CCDC112: variants seen among roughly 807,000 people sequenced by gnomAD.
The protein encoded by CCDC112 is coiled-coil domain containing 112.
Under a neutral mutation model 66.3 loss-of-function variants are expected in CCDC112, and 40 were observed. The observed-to-expected ratio is 0.60, with a 90% CI of 0.47 to 0.79. CCDC112 has a LOEUF of 0.79. Ranked by LOEUF, CCDC112 falls within the 30% of genes least tolerant of loss-of-function variation. The pLI is 0.00. For missense variants in CCDC112, 659 were observed against 603.8 expected (o/e 1.09, Z -0.96); for synonymous variants, 214 against 197.2 (o/e 1.09, Z -0.71).
At position 115,296,571 on chromosome 5, in the gene CCDC112, G is replaced by A; in HGVS notation, c.-28C>T. The A allele has an allele frequency of 6.9e-7, 1 of 1,443,180 alleles. No homozygotes were observed. The highest frequency in any genetic ancestry group is 1.5e-5 in the South Asian group (1 of 68,388). The allele number at this position is 1,443,180 out of a possible 1,614,324, so 89.4% of individuals were successfully genotyped here. A position where few individuals can be genotyped will look rare whatever the true frequency, so the allele number is the denominator to read the frequency against. On this transcript the variant is annotated 5_prime_UTR_variant, in exon 1 of 10. Coordinates refer to ENST00000379611, the MANE Select transcript of CCDC112 (RefSeq NM_001040440.3). The stretch of plus-strand genomic sequence containing the variant: ...TTACCCGCCGAGCTACTCGGGCCGC[G>A]GCGGCCACCGGTGCCTGGGGATTCG...
intron 3 of CCDC112, among the ~76,000 whole-genome samples, chr5:115,279,137 G>A (rs555219754): frequency 3.9e-5 from 6 of 152,130 alleles, no homozygotes; most frequent in African/African-American, 1.4e-4. Context: ...TGCATAGTAC[G>A]GCTCTCCTGA....
chr5:115,293,029 A>C (rs1212673134), intron 1 of CCDC112, among the ~76,000 whole-genome samples: 6 of 152,206 alleles, frequency 3.9e-5, no homozygotes, highest in Admixed American at 6.5e-5. Flanking sequence ...TTATTGACTT[A>C]TAGTTCTGGA....
intron 5 of CCDC112, 143 bp from the exon 6 acceptor site, chr5:115,275,749 T>C: frequency 1.4e-6 from 1 of 704,478 alleles, no homozygotes; most frequent in Non-Finnish European, 2.2e-6. Flanking sequence ...CTTAAAAGAG[T>C]CTCCTCAGAG....
Position 115,271,440 on chromosome 5 carries a change from T to C in CCDC112, c.1105A>G (p.Met369Val). The C allele has an allele frequency of 1.2e-6, 2 of 1,611,368 alleles. No homozygotes were observed. Among genetic ancestry groups the C allele is most frequent in the South Asian group, 1.1e-5 (1 of 90,024 alleles). ...AACTGGGAAGCACATTTCATTGACATTTCTATACTTTTCTGTTTCTTCCAA... is the reference window on the plus strand; with the variant it reads ...AACTGGGAAGCACATTTCATTGACACTTCTATACTTTTCTGTTTCTTCCAA... ...EAWKKQKSIE[M>V]SMKCASQLKE... Residue 369 changes from methionine (M) to valine (V), a missense_variant, in exon 7 of 10, where the codon ATG becomes GTG. Transcript: ENST00000379611.
At chr5:115,275,653 A>C in intron 5 of CCDC112, 47 bp from the exon 6 acceptor site, 1 of 1,362,354 alleles carries the variant, frequency 7.3e-7, no homozygotes, top group Non-Finnish European at 1.0e-6. Context: ...ATCCATATTA[A>C]CCCTTAATTT....
At chr5:115,285,064 G>C (rs1164896887) in intron 1 of CCDC112, among the ~76,000 whole-genome samples, 156 bp from the exon 2 acceptor site, 1 of 152,168 alleles carries the variant, frequency 6.6e-6, no homozygotes, top group African/African-American at 2.4e-5. Context: ...TGTGGAAGAA[G>C]GAGTATCTAT....
At chr5:115,296,006 G>A (rs995949677) in intron 1 of CCDC112, 1 of 989,494 alleles carries the variant, frequency 1.0e-6, no homozygotes, top group African/African-American at 1.7e-5. Context: ...TGTTCCCAGC[G>A]CCGGTACAGT....
intron 3 of CCDC112, among the ~76,000 whole-genome samples, chr5:115,277,394 T>C (rs1463566366): frequency 6.6e-6 from 1 of 152,208 alleles, no homozygotes; most frequent in Non-Finnish European, 1.5e-5. Context: ...TTTAATAGTG[T>C]TTCATTTCTT....
chr5:115,283,278 C>G (rs936520179), intron 2 of CCDC112, among the ~76,000 whole-genome samples: 2 of 152,026 alleles, frequency 1.3e-5, no homozygotes, highest in Non-Finnish European at 2.9e-5. Context: ...CCCATTATCC[C>G]CACTCCCACC....
At position 115,271,633 on chromosome 5, in the gene CCDC112, G is replaced by T. The variant is rs376028786; in HGVS notation, c.919-7C>A. On this transcript the variant is annotated splice_region_variant and splice_polypyrimidine_tract_variant and intron_variant, in intron 6 of 9. Transcript: ENST00000379611. ...TTTTCCAAATCTGAATTGACTAAAT[G>T]ATTTTTTTAAAAAAAGAAAGCAAGA... is the stretch of plus-strand genomic sequence containing the variant. 2.0e-6 allele frequency: 3 copies of T among 1,472,666 alleles called. No homozygotes were observed. The highest frequency in any genetic ancestry group is 2.5e-5 in the East Asian group (1 of 40,254). 91.2% of individuals were successfully genotyped at this position (1,472,666 alleles called of 1,614,324 possible). A position where few individuals can be genotyped will look rare whatever the true frequency, so the allele number is the denominator to read the frequency against.
At position 115,282,582 on chromosome 5, in the gene CCDC112, T is replaced by TAA. The variant is rs748526918; in HGVS notation, c.239+2203_239+2204dup. Among the ~76,000 whole-genome samples, 43 of 151,382 alleles carry TAA rather than the reference T, an allele frequency of 2.8e-4. No individual in the cohort carries two copies. In the South Asian group the frequency reaches 7.5e-3, roughly 26 times the overall value. Reference sequence around the variant, plus strand: ...TCCTTGTTATCTAAGACATACACTTTAAAAAAAAATGCAGAGCAATGTGGA... The same window carrying TAA: ...TCCTTGTTATCTAAGACATACACTTTAAAAAAAAAAATGCAGAGCAATGTGGA... On this transcript the variant is annotated intron_variant, in intron 2 of 9. Transcript: ENST00000379611.
At chr5:115,281,077 G>A (rs1749436175) in intron 2 of CCDC112, among the ~76,000 whole-genome samples, 1 of 150,956 alleles carries the variant, frequency 6.6e-6, no homozygotes, top group Non-Finnish European at 1.5e-5. Flanking sequence ...AGGCTGGAGT[G>A]CAGTGGTGCG....
At chr5:115,285,453 T>C (rs1031462669) in intron 1 of CCDC112, among the ~76,000 whole-genome samples, 2 of 152,122 alleles carry the variant, frequency 1.3e-5, no homozygotes, top group Admixed American at 6.5e-5. Context: ...TTAAGGAAGA[T>C]TGAAGCCAGC....
chr5:115,276,028 C>A lies in CCDC112; in HGVS notation c.493G>T (p.Ala165Ser). Reference sequence around the variant, plus strand: ...TGCTCTTCTTTAAAAGTGTTAATTGCATTTTCAATTTCTTCCATCATTTCT... The same window carrying A: ...TGCTCTTCTTTAAAAGTGTTAATTGAATTTTCAATTTCTTCCATCATTTCT... ...LREMMEEIEN[A>S]INTFKEEQRL... is the part of the protein sequence containing the mutation. The change falls in exon 5 of 10, where the codon GCA becomes TCA. Residue 165 changes from alanine (A) to serine (S), a missense_variant. By Grantham distance (99) the Ala-to-Ser change is moderately conservative. Coordinates refer to ENST00000379611, the MANE Select transcript of CCDC112 (RefSeq NM_001040440.3). 6.2e-7 allele frequency: 1 copy of A among 1,606,312 alleles called. No individual in the cohort carries two copies.
At chr5:115,278,697 G>A (rs1024902345) in intron 3 of CCDC112, among the ~76,000 whole-genome samples, 4 of 152,042 alleles carry the variant, frequency 2.6e-5, no homozygotes, top group African/African-American at 9.7e-5. Context: ...GTTTTTCAAT[G>A]TATCAAAGAA....
In CCDC112 at chr5:115,269,929, GC is replaced by G. The variant is rs1748930687; in HGVS notation, c.1333-132del. The stretch of plus-strand genomic sequence containing the variant: ...TTCAATATTAATTCTTTCCAACAAA[GC>G]CTAAGAGCTTTATTTTCTCTGAATA... On this transcript the variant is annotated intron_variant, in intron 7 of 9. Transcript: ENST00000379611. The G allele has an allele frequency of 2.3e-5, 13 of 567,596 alleles. No homozygotes were observed. The South Asian group carries it at 3.1e-4, about 14-fold the overall frequency. 35.2% of individuals were successfully genotyped at this position (567,596 alleles called of 1,614,324 possible).
chr5:115,277,135 C>G, intron 3 of CCDC112, 81 bp from the exon 4 acceptor site: 1 of 770,834 alleles, frequency 1.3e-6, no homozygotes, highest in Non-Finnish European at 2.2e-6. Context: ...TAAGACTGAT[C>G]ACTGTTAGTA....
At chr5:115,272,447 G>A (rs1176818662) in intron 6 of CCDC112, among the ~76,000 whole-genome samples, 1 of 152,212 alleles carries the variant, frequency 6.6e-6, no homozygotes, top group East Asian at 1.9e-4. Context: ...CATTGGATGA[G>A]CCACTAAACT....
At chr5:115,290,690 T>C (rs1023619028) in intron 1 of CCDC112, among the ~76,000 whole-genome samples, 1 of 152,180 alleles carries the variant, frequency 6.6e-6, no homozygotes, top group Non-Finnish European at 1.5e-5. Flanking sequence ...AGAATAAGTT[T>C]TATGCTTCTT....
Sources: allele counts gnomAD v4.1 joint callset (sites outside exome capture counted in the v4.1 genomes callset), GRCh38; gene constraint gnomAD v4.1.1; transcripts MANE v1.5; gene names NCBI Gene and HGNC (gene_info 2026-07-23, HGNC 2026-07-21).